SLCO1B3: variants seen among roughly 807,000 people sequenced by gnomAD.
SLCO1B3 encodes the protein solute carrier organic anion transporter family member 1B3.
Under a neutral mutation model 71.8 loss-of-function variants are expected in SLCO1B3, and 72 were observed. The ratio of observed to expected loss-of-function variants is 1.00; its 90% confidence interval spans 0.83 to 1.22. The LOEUF is 1.22. Among genes scored for constraint, SLCO1B3 ranks in the 50% most tolerant of loss-of-function variants. SLCO1B3 has a pLI of 0.00. For missense variants in SLCO1B3, 911 were observed against 819.7 expected, an observed-to-expected ratio of 1.11 and a Z score of -1.36; for synonymous variants, 298 against 278.4, an observed-to-expected ratio of 1.07 and a Z score of -0.70.
intron 9 of SLCO1B3, 115 bp downstream of exon 9, chr12:20,875,592 T>C (rs1865566362): frequency 2.8e-6 from 3 of 1,056,322 alleles, no homozygotes; most frequent in Non-Finnish European, 4.0e-6. Flanking sequence ...TCTTCTCTGC[T>C]AAATTTAGCT....
intron 14 of SLCO1B3, among the ~76,000 whole-genome samples, chr12:20,899,170 G>T (rs1468022335): frequency 6.6e-6 from 1 of 152,178 alleles, no homozygotes; most frequent in Non-Finnish European, 1.5e-5. Flanking sequence ...CAAAAGTGAT[G>T]AGAAAAGATT....
At chr12:20,890,214 C>T (rs1591783865) in intron 13 of SLCO1B3, among the ~76,000 whole-genome samples, 1 of 127,386 alleles carries the variant, frequency 7.9e-6, no homozygotes, top group Non-Finnish European at 1.8e-5. Context: ...CCACCACACC[C>T]AGCCTCATTT....
intron 3 of SLCO1B3, among the ~76,000 whole-genome samples, chr12:20,834,924 C>T (rs1864643800): frequency 6.6e-6 from 1 of 152,210 alleles, no homozygotes; most frequent in Non-Finnish European, 1.5e-5. Context: ...GACTGCCATA[C>T]TGAAATTTCT....
intron 13 of SLCO1B3, among the ~76,000 whole-genome samples, chr12:20,890,785 G>A (rs1865888416): frequency 6.6e-6 from 1 of 151,978 alleles, no homozygotes. Context: ...CATTATTTAT[G>A]GTTTTTGATT....
chr12:20,818,340 T>C lies in SLCO1B3; in HGVS notation c.84+2518T>C, dbSNP rs369170729. On this transcript the variant is annotated intron_variant, in intron 3 of 15. Transcript: ENST00000381545. ...CTGATTTGACTAATAAGGGCTGGTC[T>C]TTTATCAGACTGTATAGAGGTGGGA... 3.9e-5 allele frequency among the ~76,000 whole-genome samples: 6 copies of C among 152,324 alleles called. No homozygotes were observed. The South Asian group carries it at 1.2e-3, about 32-fold the overall frequency.
chr12:20,877,158 G>A (rs546926271), intron 9 of SLCO1B3, among the ~76,000 whole-genome samples: 125 of 152,154 alleles, frequency 8.2e-4, no homozygotes, highest in African/African-American at 3.0e-3. Flanking sequence ...AACCTATAAG[G>A]ACCAGGGTTG....
intron 13 of SLCO1B3, among the ~76,000 whole-genome samples, chr12:20,883,892 G>T (rs1394523197): frequency 1.3e-5 from 2 of 152,150 alleles, no homozygotes; most frequent in African/African-American, 4.8e-5. Context: ...TTGTGTGATT[G>T]TAAAAGAACT....
chr12:20,855,242 T>G, intron 4 of SLCO1B3, 73 bp downstream of exon 4: 1 of 1,283,234 alleles, frequency 7.8e-7, no homozygotes, highest in Non-Finnish European at 1.1e-6. Context: ...GCATGCTTTA[T>G]ATCACTGGGT....
chr12:20,829,237 T>A (rs1202747476), intron 3 of SLCO1B3, among the ~76,000 whole-genome samples: 1 of 152,220 alleles, frequency 6.6e-6, no homozygotes, highest in Non-Finnish European at 1.5e-5. Flanking sequence ...AGCTAGTTGC[T>A]AATCTTAACT....
chr12:20,827,837 A>C (rs112212411), intron 3 of SLCO1B3, among the ~76,000 whole-genome samples: 1 of 152,092 alleles, frequency 6.6e-6, no homozygotes, highest in African/African-American at 2.4e-5. Flanking sequence ...CAAAGTGCTG[A>C]GATTACAGGT....
chr12:20,865,767 T>A (rs1865361803), intron 8 of SLCO1B3, among the ~76,000 whole-genome samples: 1 of 152,088 alleles, frequency 6.6e-6, no homozygotes, highest in South Asian at 2.1e-4. Flanking sequence ...CAATAAAATA[T>A]GCACAAATCT....
chr12:20,861,186 A>C (rs200030140), intron 6 of SLCO1B3, 48 bp downstream of exon 6: 228 of 1,471,114 alleles, frequency 1.5e-4, no homozygotes, highest in Non-Finnish European at 2.0e-4. Context: ...TGATAGATTT[A>C]ATCACGTCTA....
chr12:20,840,390 A>T (rs1591754920), intron 3 of SLCO1B3, among the ~76,000 whole-genome samples: 1 of 141,036 alleles, frequency 7.1e-6, no homozygotes, highest in Admixed American at 7.1e-5. Flanking sequence ...ATGCTTCTCA[A>T]TTTTTTTTTT....
At chr12:20,886,788 A>T (rs1034999716) in intron 13 of SLCO1B3, among the ~76,000 whole-genome samples, 1 of 151,900 alleles carries the variant, frequency 6.6e-6, no homozygotes, top group Non-Finnish European at 1.5e-5. Flanking sequence ...TGCAGTGGTA[A>T]AGTCTGGGGT....
intron 13 of SLCO1B3, among the ~76,000 whole-genome samples, chr12:20,892,532 T>A (rs10841695): frequency 0.71 from 107,078 of 151,832 alleles, 39,939 homozygotes; most frequent in South Asian, 0.89. Flanking sequence ...ATGAAAAGAG[T>A]TTAACCAGGA....
chr12:20,826,311 A>G (rs988021270), intron 3 of SLCO1B3, among the ~76,000 whole-genome samples: 1 of 152,124 alleles, frequency 6.6e-6, no homozygotes, highest in Non-Finnish European at 1.5e-5. Context: ...TTGAAGGAGA[A>G]AGTTATTATC....
intron 3 of SLCO1B3, among the ~76,000 whole-genome samples, chr12:20,823,348 T>A (rs2121099535): frequency 6.6e-6 from 1 of 152,196 alleles, no homozygotes; most frequent in Non-Finnish European, 1.5e-5. Flanking sequence ...AAAGAAAAAA[T>A]TGAAAACATT....
chr12:20,827,696 C>T (rs555635125), intron 3 of SLCO1B3, among the ~76,000 whole-genome samples: 12 of 152,126 alleles, frequency 7.9e-5, no homozygotes, highest in African/African-American at 1.9e-4. Flanking sequence ...CGCAGCCTCC[C>T]GAGTAGCTGG....
chr12:20,901,887 C>T (rs1866140178), intron 15 of SLCO1B3: 2 of 439,356 alleles, frequency 4.6e-6, no homozygotes, highest in Non-Finnish European at 4.5e-6. Context: ...TTTCATTACT[C>T]TTCTATTCAT....
Sources: gnomAD v4.1 joint callset for allele counts (sites outside exome capture counted in the v4.1 genomes callset) on GRCh38, gnomAD v4.1.1 for gene constraint, MANE v1.5 for transcripts, NCBI Gene and HGNC (gene_info 2026-07-23, HGNC 2026-07-21) for gene names.